PSMA1: variants seen among roughly 807,000 people sequenced by gnomAD.
PSMA1 encodes proteasome 20S subunit alpha 1.
In PSMA1, 3 loss-of-function variants were observed where a neutral mutation model predicts 38.4. The ratio of observed to expected loss-of-function variants is 0.08; its 90% CI spans 0.04 to 0.20. PSMA1 has a LOEUF of 0.20. PSMA1 is among the 10% of genes least tolerant of loss of function. PSMA1 has a pLI of 1.00. For synonymous variants in PSMA1, 101 were observed against 107.1 expected, an observed-to-expected ratio of 0.94 and a Z score of 0.35; for missense variants, 227 against 325.3, an observed-to-expected ratio of 0.70 and a Z score of 2.32.
intron 2 of PSMA1, among the ~76,000 whole-genome samples, chr11:14,547,358 A>T (rs1851837359): frequency 6.6e-6 from 1 of 152,216 alleles, no homozygotes; most frequent in Non-Finnish European, 1.5e-5. Context: ...AAATTCAGGG[A>T]ATTTTGTATT....
intron 2 of PSMA1, among the ~76,000 whole-genome samples, chr11:14,576,455 T>C (rs1007627457): frequency 3.6e-4 from 55 of 152,364 alleles, no homozygotes; most frequent in Middle Eastern, 3.4e-3. Flanking sequence ...TTAATTTTTG[T>C]ATAAGGTGTA....
chr11:14,536,505 C>T (rs368749425), intron 2 of PSMA1, among the ~76,000 whole-genome samples: 24 of 151,416 alleles, frequency 1.6e-4, no homozygotes, highest in African/African-American at 5.1e-4. Flanking sequence ...CCAGCCTGGG[C>T]GAAAGAGCGA....
chr11:14,578,529 G>A (rs1852246381), intron 2 of PSMA1, among the ~76,000 whole-genome samples: 1 of 152,208 alleles, frequency 6.6e-6, no homozygotes, highest in Non-Finnish European at 1.5e-5. Context: ...GAATAGCTCA[G>A]GGCAGCAGTT....
chr11:14,512,370 G>A (rs2597216), intron 7 of PSMA1, among the ~76,000 whole-genome samples: 100,719 of 151,420 alleles, frequency 0.67, 33,671 homozygotes, highest in African/African-American at 0.71. Flanking sequence ...GTGAAACCCC[G>A]TCTCAGGAAA....
intron 2 of PSMA1, among the ~76,000 whole-genome samples, chr11:14,558,371 G>A (rs1407357056): frequency 1.3e-5 from 2 of 151,854 alleles, no homozygotes; most frequent in Non-Finnish European, 2.9e-5. Flanking sequence ...AGCTATGATT[G>A]TGCCACTGCA....
upstream of PSMA1, among the ~76,000 whole-genome samples, chr11:14,520,890 ACTTTGGAATG>A (rs796357307): frequency 7.2e-5 from 11 of 152,310 alleles, no homozygotes; most frequent in African/African-American, 2.4e-4. Flanking sequence ...TTGGCAAAAT[ACTTTGGAATG>A]CTCTTCCTTA....
intron 2 of PSMA1, among the ~76,000 whole-genome samples, chr11:14,548,725 G>A (rs1851854280): frequency 6.6e-6 from 1 of 152,156 alleles, no homozygotes; most frequent in Non-Finnish European, 1.5e-5. Context: ...ATAGACATAT[G>A]TAACATAGGT....
At chr11:14,520,576 G>A (rs1309917910), upstream of PSMA1, 12 of 1,008,214 alleles carry the variant, frequency 1.2e-5, no homozygotes, top group Non-Finnish European at 1.7e-5. Flanking sequence ...AGAGCTGCGG[G>A]GCAGCCCCTG....
At chr11:14,549,700 CAAA>C (rs369153742) in intron 2 of PSMA1, among the ~76,000 whole-genome samples, 5 of 74,468 alleles carry the variant, frequency 6.7e-5, no homozygotes, top group Non-Finnish European at 2.9e-5. Flanking sequence ...GACTCCATCT[CAAA>C]AAAAAAAAAA....
At chr11:14,623,233 C>G (rs1852870827) in intron 1 of PSMA1, among the ~76,000 whole-genome samples, 1 of 152,174 alleles carries the variant, frequency 6.6e-6, no homozygotes, top group African/African-American at 2.4e-5. Context: ...TTCCTATGGC[C>G]ATATGGGGGC....
chr11:14,543,498 A>G (rs1457403283), intron 2 of PSMA1, among the ~76,000 whole-genome samples: 1 of 151,934 alleles, frequency 6.6e-6, no homozygotes, highest in Non-Finnish European at 1.5e-5. Flanking sequence ...TGCAACTATC[A>G]CCATGATCTA....
chr11:14,590,845 G>A (rs1398889817), intron 2 of PSMA1, among the ~76,000 whole-genome samples: 2 of 152,212 alleles, frequency 1.3e-5, no homozygotes, highest in Non-Finnish European at 2.9e-5. Context: ...TCACAATTAG[G>A]CAATGGTTAC....
At chr11:14,513,726 T>C (rs745369374) in intron 6 of PSMA1, 27 bp from the exon 7 acceptor site, 20 of 1,557,936 alleles carry the variant, frequency 1.3e-5, no homozygotes, top group African/African-American at 2.8e-5. Flanking sequence ...ATACACCACA[T>C]AATTATTTAC....
intron 2 of PSMA1, among the ~76,000 whole-genome samples, chr11:14,582,366 C>T (rs1852291389): frequency 6.6e-6 from 1 of 152,140 alleles, no homozygotes; most frequent in African/African-American, 2.4e-5. Flanking sequence ...CTCCATAACT[C>T]CCAGCACCTC....
chr11:14,581,687 A>C (rs563767353), intron 2 of PSMA1, among the ~76,000 whole-genome samples: 19 of 152,318 alleles, frequency 1.2e-4, no homozygotes, highest in Middle Eastern at 3.4e-3. Flanking sequence ...GCTTAAGAAA[A>C]AAAGAGGTTT....
chr11:14,507,030 C>T (rs1851254960), intron 9 of PSMA1, among the ~76,000 whole-genome samples: 1 of 152,232 alleles, frequency 6.6e-6, no homozygotes, highest in South Asian at 2.1e-4. Flanking sequence ...CCAGGTGAGA[C>T]CAGCAAAGAA....
chr11:14,508,266 G>A (rs1482076753), intron 8 of PSMA1, among the ~76,000 whole-genome samples: 1 of 151,884 alleles, frequency 6.6e-6, no homozygotes. Flanking sequence ...ATATTACTGC[G>A]AAAACAGAAG....
At chr11:14,524,801 C>T (rs1228136792), upstream of PSMA1, among the ~76,000 whole-genome samples, 1 of 152,170 alleles carries the variant, frequency 6.6e-6, no homozygotes, top group African/African-American at 2.4e-5. Context: ...CTCAGACCAA[C>T]CAGCCCAAGG....
At chr11:14,541,259 T>G (rs1851770823) in intron 2 of PSMA1, among the ~76,000 whole-genome samples, 1 of 152,166 alleles carries the variant, frequency 6.6e-6, no homozygotes, top group South Asian at 2.1e-4. Flanking sequence ...TAATAAGAAG[T>G]CTTTATTTAG....
Sources: gnomAD v4.1 joint callset for allele counts (sites outside exome capture counted in the v4.1 genomes callset) on GRCh38, gnomAD v4.1.1 for gene constraint, MANE v1.5 for transcripts, NCBI Gene and HGNC (gene_info 2026-07-23, HGNC 2026-07-21) for gene names.